The following SYPL1 variants were observed in gnomAD, a reference collection of about 807,000 sequenced individuals.
SYPL1 encodes the protein synaptophysin like 1.
A neutral mutation model predicts 23.7 loss-of-function variants in SYPL1; 6 were observed. The observed-to-expected ratio is 0.25, with a 90% confidence interval of 0.14 to 0.50. The LOEUF is 0.50. Ranked by LOEUF, SYPL1 falls within the 20% of genes least tolerant of loss-of-function variation. SYPL1 has a pLI of 0.98. For missense variants in SYPL1, 253 were observed against 288.9 expected, an observed-to-expected ratio of 0.88 and a Z score of 0.90; for synonymous variants, 102 against 104.5, an observed-to-expected ratio of 0.98 and a Z score of 0.15.
intron 1 of SYPL1, among the ~76,000 whole-genome samples, chr7:106,108,024 G>A (rs186824842): frequency 1.4e-3 from 207 of 151,884 alleles, no homozygotes; most frequent in African/African-American, 4.7e-3. Context: ...GTGAAACCCC[G>A]TCTCTACTAA....
At chr7:106,112,575 T>C (rs1392242144), upstream of SYPL1, 2 of 1,485,120 alleles carry the variant, frequency 1.3e-6, no homozygotes, top group Admixed American at 4.9e-5. Flanking sequence ...CCCCTGGCAC[T>C]CGGTCTTCCC....
upstream of SYPL1, chr7:106,112,466 C>T: frequency 6.7e-7 from 1 of 1,500,968 alleles, no homozygotes; most frequent in Non-Finnish European, 8.8e-7. Flanking sequence ...GGAGGCTTCT[C>T]CTCAGGCCGC....
rs1177764483 is a variant in SYPL1 at position 106,109,697 on chromosome 7, T to C, written c.69+2443A>G. Among the ~76,000 whole-genome samples, 1 of 152,308 alleles carries C rather than the reference T, an allele frequency of 6.6e-6. No homozygotes were observed. Among genetic ancestry groups the C allele is most frequent in the East Asian group, 1.9e-4 (1 of 5,174 alleles). On this transcript the variant is annotated intron_variant, in intron 1 of 4. Transcript: ENST00000455385. This position sits in a 1 kb window ranked among gnomAD's most constrained non-coding sequence, Gnocchi z 4.3. ...TCTGCTCCTCCTCCTCTTAATGACA[T>C]TACCTTGAATATGCTAATGGCAACG...
At chr7:106,107,586 AC>A (rs1359555171) in intron 1 of SYPL1, among the ~76,000 whole-genome samples, 1 of 152,142 alleles carries the variant, frequency 6.6e-6, no homozygotes, top group East Asian at 1.9e-4. Flanking sequence ...TACTAAAAAT[AC>A]AAAAATTAGC....
chr7:106,094,113 CA>C (rs1839898114), intron 3 of SYPL1, among the ~76,000 whole-genome samples: 1 of 152,144 alleles, frequency 6.6e-6, no homozygotes, highest in African/African-American at 2.4e-5. Flanking sequence ...GGAGCTCTTA[CA>C]TATCTGCAGC....
At chr7:106,094,188 T>A (rs1031456122) in intron 3 of SYPL1, among the ~76,000 whole-genome samples, 8 of 152,220 alleles carry the variant, frequency 5.3e-5, no homozygotes, top group African/African-American at 1.9e-4. Flanking sequence ...GTTTTTTAAA[T>A]AAACCCAATT....
intron 1 of SYPL1, among the ~76,000 whole-genome samples, chr7:106,106,849 AAAAT>A (rs761980662): frequency 1.3e-4 from 20 of 152,292 alleles, no homozygotes; most frequent in East Asian, 7.7e-4. Context: ...CCTGTCTCAA[AAAAT>A]AAATAAATAA....
At chr7:106,093,389 CAA>C in intron 3 of SYPL1, 1 of 379,548 alleles carries the variant, frequency 2.6e-6, no homozygotes. Flanking sequence ...CACTAGAAAC[CAA>C]AGTTTTATAC....
At chr7:106,103,848 T>C (rs970566131) in intron 1 of SYPL1, among the ~76,000 whole-genome samples, 3 of 152,238 alleles carry the variant, frequency 2.0e-5, no homozygotes, top group African/African-American at 7.2e-5. Flanking sequence ...AATAAAAATC[T>C]GATCATGTCC....
At position 106,092,758 on chromosome 7, in the gene SYPL1, G is replaced by GGTTTT. The variant is rs2116063240; in HGVS notation, c.591+190_591+191insAAAAC. ...AAGTCTCAGAGATGAATAAAATCATGATCTTGGTTACAGGTAATACTTTTT... is the reference window on the plus strand; with the variant it reads ...AAGTCTCAGAGATGAATAAAATCATGGTTTTATCTTGGTTACAGGTAATACTTTTT... On this transcript the variant is annotated intron_variant, in intron 4 of 4. Coordinates refer to ENST00000455385, the MANE Select transcript of SYPL1 (RefSeq NM_182715.4). 13 of 566,922 alleles carry GGTTTT rather than the reference G, an allele frequency of 2.3e-5. No homozygotes were observed. The Admixed American group carries it at 4.1e-4, about 18-fold the overall frequency. The allele number at this position is 566,922 out of a possible 1,614,324, so 35.1% of individuals were successfully genotyped here.
chr7:106,107,350 A>G (rs1840656815), intron 1 of SYPL1, among the ~76,000 whole-genome samples: 1 of 152,244 alleles, frequency 6.6e-6, no homozygotes, highest in South Asian at 2.1e-4. Flanking sequence ...AAAGTCAGTT[A>G]CAAAGTGCTT....
upstream of SYPL1, chr7:106,112,512 G>A (rs981712183): frequency 5.3e-6 from 8 of 1,523,410 alleles, no homozygotes; most frequent in African/African-American, 1.1e-4. Context: ...GGCGAACCAA[G>A]TAGATGTTGG....
rs1840489756 is a variant in SYPL1 at position 106,104,458 on chromosome 7, C to T, written c.70-5176G>A. Among the ~76,000 whole-genome samples, 1 of 152,180 alleles carries T rather than the reference C, an allele frequency of 6.6e-6. No homozygotes were observed. The highest frequency in any genetic ancestry group is 6.5e-5 in the Admixed American group (1 of 15,274). On this transcript the variant is annotated intron_variant, in intron 1 of 4. Transcript: ENST00000455385. This position sits in a 1 kb window ranked among gnomAD's most constrained non-coding sequence, Gnocchi z 4.1. The stretch of plus-strand genomic sequence containing the variant: ...AGTAGCAAATAAATGGCATACTGCA[C>T]TACAGCTTGTTGCTTTCAAGACTAT...
At chr7:106,107,569 C>A (rs947375093) in intron 1 of SYPL1, among the ~76,000 whole-genome samples, 14 of 151,872 alleles carry the variant, frequency 9.2e-5, no homozygotes, top group African/African-American at 3.1e-4. Context: ...AGGTGAAACC[C>A]CGTCTCTACT....
At position 106,093,199 on chromosome 7, in the gene SYPL1, C is replaced by T. The variant is rs1035168358; in HGVS notation, c.403-62G>A. The T allele has an allele frequency of 2.1e-6, 3 of 1,402,822 alleles. No individual in the cohort carries two copies. The Admixed American group carries it at 7.6e-5, about 36-fold the overall frequency. The allele number at this position is 1,402,822 out of a possible 1,614,324, so 86.9% of individuals were successfully genotyped here. On this transcript the variant is annotated intron_variant, in intron 3 of 4. Coordinates refer to ENST00000455385, the MANE Select transcript of SYPL1 (RefSeq NM_182715.4). The stretch of plus-strand genomic sequence containing the variant: ...TTAATTTTAATACTAAATTTCAAAT[C>T]CATGATGAAGAAACTGAGATTACAT...
rs536790222 is a variant in SYPL1 at position 106,102,549 on chromosome 7, G to T, written c.70-3267C>A. 3.9e-5 allele frequency among the ~76,000 whole-genome samples: 6 copies of T among 152,268 alleles called. No individual in the cohort carries two copies. In the South Asian group the frequency reaches 1.0e-3, roughly 26 times the overall value. ...TGCCAGTAACCACATGACTGAGCTTGGAAGGGGATCCTCTGAGGTTTGTCA... is the reference window on the plus strand; with the variant it reads ...TGCCAGTAACCACATGACTGAGCTTTGAAGGGGATCCTCTGAGGTTTGTCA... On this transcript the variant is annotated intron_variant, in intron 1 of 4. Coordinates refer to ENST00000455385, the MANE Select transcript of SYPL1 (RefSeq NM_182715.4).
chr7:106,101,777 T>TA (rs368949331), intron 1 of SYPL1, among the ~76,000 whole-genome samples: 68,332 of 133,198 alleles, frequency 0.51, 16,617 homozygotes, highest in Middle Eastern at 0.62. Flanking sequence ...ACGTTTAAAT[T>TA]AAAAAAAAAA....
chr7:106,103,010 T>C (rs937880697), intron 1 of SYPL1, among the ~76,000 whole-genome samples: 10 of 152,150 alleles, frequency 6.6e-5, no homozygotes, highest in Admixed American at 3.3e-4. Flanking sequence ...CTGTTGAATG[T>C]AAAACAAGCT....
At chr7:106,106,268 C>T (rs1014821290) in intron 1 of SYPL1, among the ~76,000 whole-genome samples, 4 of 152,162 alleles carry the variant, frequency 2.6e-5, no homozygotes, top group African/African-American at 9.7e-5. Context: ...ACTCTGGAGG[C>T]TGGGCACAGT....
Sources: gnomAD v4.1 joint callset for allele counts (sites outside exome capture counted in the v4.1 genomes callset) on GRCh38, gnomAD v4.1.1 for gene constraint, Gnocchi (gnomAD v3.1) non-coding constraint, MANE v1.5 for transcripts, NCBI Gene and HGNC (gene_info 2026-07-23, HGNC 2026-07-21) for gene names.